The following SFXN1 variants were observed in gnomAD, a reference collection of about 807,000 sequenced individuals.
SFXN1 encodes the protein sideroflexin-1.
A neutral mutation model predicts 39.5 loss-of-function variants in SFXN1; 32 were observed. That is an observed-to-expected ratio of 0.81 (90% CI 0.61 to 1.09). The LOEUF (loss-of-function observed/expected upper bound fraction) is 1.09, where lower values mean the gene tolerates loss of function less well. Ranked by LOEUF, SFXN1 falls within the 50% of genes least tolerant of loss-of-function variation. The pLI, the probability that SFXN1 is intolerant of heterozygous loss-of-function variation, is 0.00. For missense variants in SFXN1, 402 were observed against 407.1 expected (o/e 0.99, Z 0.11); for synonymous variants, 136 against 146.5 (o/e 0.93, Z 0.52).
intron 2 of SFXN1, among the ~76,000 whole-genome samples, chr5:175,495,923 G>A (rs1416979446): frequency 8.3e-5 from 12 of 145,326 alleles, no homozygotes; most frequent in East Asian, 2.1e-4. Flanking sequence ...TTTTTGAGAC[G>A]GAGTTTCGCT....
intron 1 of SFXN1, among the ~76,000 whole-genome samples, chr5:175,486,152 G>C (rs1327079775): frequency 6.6e-6 from 1 of 151,850 alleles, no homozygotes; most frequent in Admixed American, 6.6e-5. Flanking sequence ...GAACTTCATA[G>C]TGTAAAGGTC....
chr5:175,484,372 C>T (rs538642640), intron 1 of SFXN1, among the ~76,000 whole-genome samples: 1 of 152,360 alleles, frequency 6.6e-6, no homozygotes, highest in Admixed American at 6.5e-5. Context: ...GACCTCGTTC[C>T]CTCCCCACGA....
At chr5:175,489,930 TC>T (rs1759596675) in intron 1 of SFXN1, among the ~76,000 whole-genome samples, 1 of 152,188 alleles carries the variant, frequency 6.6e-6, no homozygotes, top group South Asian at 2.1e-4. Context: ...ACTGTGATGT[TC>T]CCCGGTGGAG....
At chr5:175,496,940 A>G (rs1256604443) in intron 2 of SFXN1, among the ~76,000 whole-genome samples, 2 of 151,532 alleles carry the variant, frequency 1.3e-5, no homozygotes, top group African/African-American at 4.8e-5. Flanking sequence ...CACCCAGGCT[A>G]GAGTGCAGTG....
chr5:175,504,010 A>G (rs2113313628), intron 2 of SFXN1, among the ~76,000 whole-genome samples: 1 of 151,606 alleles, frequency 6.6e-6, no homozygotes, highest in South Asian at 2.1e-4. Context: ...TCTCAAAAAA[A>G]AAAAAAAAAA....
chr5:175,516,537 G>T, intron 7 of SFXN1, 77 bp from the exon 8 acceptor site: 1 of 1,327,292 alleles, frequency 7.5e-7, no homozygotes, highest in Non-Finnish European at 1.1e-6. Context: ...GAAGCTTTCT[G>T]TCAAATGGTT....
At chr5:175,524,219 C>T (rs1005109082) in intron 10 of SFXN1, 3 of 147,186 alleles carry the variant, frequency 2.0e-5, no homozygotes, top group African/African-American at 7.5e-5. Flanking sequence ...GTGTCCCTGC[C>T]TCCCCTGCAG....
chr5:175,482,768 C>G (rs1267012165), intron 1 of SFXN1, among the ~76,000 whole-genome samples: 2 of 152,298 alleles, frequency 1.3e-5, no homozygotes, highest in Non-Finnish European at 2.9e-5. Context: ...GTAATTCACC[C>G]AGTCACATGT....
intron 8 of SFXN1, among the ~76,000 whole-genome samples, chr5:175,519,130 A>G (rs1193938578): frequency 6.6e-6 from 1 of 152,186 alleles, no homozygotes; most frequent in African/African-American, 2.4e-5. Context: ...TCGTTGGGAA[A>G]CCTAGATTAA....
chr5:175,491,348 C>CT (rs1164858497), intron 1 of SFXN1: 2 of 151,910 alleles, frequency 1.3e-5, no homozygotes, highest in African/African-American at 2.4e-5. Flanking sequence ...GCATTTAAAC[C>CT]TTTTTTTAAT....
At chr5:175,517,650 G>C (rs1760753185) in intron 8 of SFXN1, among the ~76,000 whole-genome samples, 1 of 152,186 alleles carries the variant, frequency 6.6e-6, no homozygotes, top group South Asian at 2.1e-4. Flanking sequence ...CACCCATGTA[G>C]AGAGGACCAT....
At chr5:175,480,364 G>A (rs1158762060) in intron 1 of SFXN1, among the ~76,000 whole-genome samples, 4 of 152,008 alleles carry the variant, frequency 2.6e-5, no homozygotes, top group East Asian at 1.9e-4. Flanking sequence ...TCGCGCCACT[G>A]CACTCCAGCC....
At chr5:175,484,052 C>T (rs1759357309) in intron 1 of SFXN1, 1 of 151,996 alleles carries the variant, frequency 6.6e-6, no homozygotes, top group South Asian at 2.1e-4. Context: ...CCAAAACTTT[C>T]TTTTGAAGTA....
At chr5:175,483,342 AT>A (rs537660803) in intron 1 of SFXN1, among the ~76,000 whole-genome samples, 2 of 152,242 alleles carry the variant, frequency 1.3e-5, no homozygotes, top group South Asian at 4.2e-4. Context: ...CAACCACAGA[AT>A]TTTTTTAAGT....
intron 8 of SFXN1, among the ~76,000 whole-genome samples, chr5:175,521,178 T>A (rs761575471): frequency 6.6e-6 from 1 of 151,816 alleles, no homozygotes; most frequent in Non-Finnish European, 1.5e-5. Context: ...TGTATTTAAG[T>A]ACCACTCCTT....
chr5:175,501,336 G>A (rs1760077005), intron 2 of SFXN1, among the ~76,000 whole-genome samples: 1 of 152,128 alleles, frequency 6.6e-6, no homozygotes, highest in African/African-American at 2.4e-5. Flanking sequence ...CGAAAGTGCT[G>A]GGATTACAAG....
rs1452804400 is a variant in SFXN1, at chr5:175,509,184, G to C, written c.317G>C (p.Cys106Ser). 6.2e-7 allele frequency: 1 copy of C among 1,612,618 alleles called. No homozygotes were observed. The highest frequency in any genetic ancestry group is 8.5e-7 in the Non-Finnish European group (1 of 1,179,480). ...CCCATGAACATGACCATCACAGGTT[G>C]TATGATGACGTTTTACAGGTATGTT... ...QVPMNMTITG[C>S]MMTFYRTTPA... The change falls in exon 3 of 11, where the codon TGT (cysteine) becomes TCT (serine). Residue 106 changes from cysteine to serine, a missense_variant. Cys to Ser is a moderately radical substitution (Grantham distance 112, BLOSUM62 -1). Transcript: ENST00000321442.
chr5:175,483,054 ATC>A (rs1414773672), intron 1 of SFXN1, among the ~76,000 whole-genome samples: 1 of 152,190 alleles, frequency 6.6e-6, no homozygotes, highest in African/African-American at 2.4e-5. Flanking sequence ...ACTTTGAGAA[ATC>A]TATTGGGATG....
At position 175,492,184 on chromosome 5, in the gene SFXN1, T is replaced by C; in HGVS notation, c.81T>C (p.His27=). The C allele has an allele frequency of 6.2e-7, 1 of 1,614,154 alleles. No individual in the cohort carries two copies. Among genetic ancestry groups the C allele is most frequent in the Non-Finnish European group, 8.5e-7 (1 of 1,180,022 alleles). The stretch of plus-strand genomic sequence containing the variant: ...GCACTTTCATTGGACGAGCCAATCA[T>C]TTCTTCACTGTAACTGACCCCAGGA... ...DQSTFIGRAN[H]FFTVTDPRNI... Residue 27 remains histidine, a synonymous_variant, in exon 2 of 11, where the codon CAT becomes CAC. Transcript: ENST00000321442.
Sources: allele counts gnomAD v4.1 joint callset (sites outside exome capture counted in the v4.1 genomes callset), GRCh38; gene constraint gnomAD v4.1.1; transcripts MANE v1.5; gene names NCBI Gene and HGNC (gene_info 2026-07-23, HGNC 2026-07-21).